PDIK1L: variants seen among roughly 807,000 people sequenced by gnomAD.
PDIK1L encodes the protein serine/threonine-protein kinase PDIK1L.
A neutral mutation model predicts 27.1 loss-of-function variants in PDIK1L; 9 were observed. The observed-to-expected ratio is 0.33, with a 90% CI of 0.20 to 0.58. The LOEUF (loss-of-function observed/expected upper bound fraction) is 0.58, where lower values mean the gene tolerates loss of function less well. Among genes scored for constraint, PDIK1L ranks in the 20% least tolerant of loss-of-function variants. The pLI is 0.86. For synonymous variants in PDIK1L, 130 were observed against 141.7 expected (o/e 0.92, Z 0.59); for missense variants, 216 against 413.2 (o/e 0.52, Z 4.14).
chr1:26,120,371 TTA>T (rs144229538), intron 2 of PDIK1L, among the ~76,000 whole-genome samples: 24,373 of 151,100 alleles, frequency 0.16, 2,095 homozygotes, highest in Middle Eastern at 0.23. Context: ...TGGTAAATAA[TTA>T]TGTGATCTGT....
chr1:26,120,531 G>C (rs997000220), intron 2 of PDIK1L, among the ~76,000 whole-genome samples: 1 of 152,220 alleles, frequency 6.6e-6, no homozygotes, highest in Non-Finnish European at 1.5e-5. Context: ...TGCTTTCCCA[G>C]ATGGTAGAGA....
rs916155787 is a variant in PDIK1L, at chr1:26,124,336, A to G, written c.*1759A>G. 2 of 152,198 alleles carry G rather than the reference A, an allele frequency of 1.3e-5. No homozygotes were observed. The highest frequency in any genetic ancestry group is 4.8e-5 in the African/African-American group (2 of 41,462). 9.4% of individuals were successfully genotyped at this position (152,198 alleles called of 1,614,324 possible). Reference sequence around the variant, plus strand: ...TAACATCACTTTTAAGCTAATAAATATAAGAATTCTTTTGGAAATTAGAGG... The same window carrying G: ...TAACATCACTTTTAAGCTAATAAATGTAAGAATTCTTTTGGAAATTAGAGG... On this transcript the variant is annotated 3_prime_UTR_variant, in exon 3 of 3. Transcript: ENST00000374269.
chr1:26,114,219 A>G lies in PDIK1L; in HGVS notation c.-17-73A>G, dbSNP rs535666711. 9 of 1,393,350 alleles carry G rather than the reference A, an allele frequency of 6.5e-6. No homozygotes were observed. In the African/African-American group the frequency reaches 1.2e-4, roughly 18 times the overall value. The allele number at this position is 1,393,350 out of a possible 1,614,324, so 86.3% of individuals were successfully genotyped here. A position where few individuals can be genotyped will look rare whatever the true frequency, so the allele number is the denominator to read the frequency against. On this transcript the variant is annotated intron_variant, in intron 1 of 2. Coordinates refer to ENST00000374269, the MANE Select transcript of PDIK1L (RefSeq NM_152835.5). The surrounding 1 kb of genome is among the most constrained non-coding windows in gnomAD (Gnocchi z 4.8). Reference sequence around the variant, plus strand: ...CAGACAGTCAGACAGATGACAAGTAAATCATACATAAGAAGAAATACAAGC... The same window carrying G: ...CAGACAGTCAGACAGATGACAAGTAGATCATACATAAGAAGAAATACAAGC...
At position 26,120,045 on chromosome 1, in the gene PDIK1L, T is replaced by C. The variant is rs537870307; in HGVS notation, c.286-1792T>C. On this transcript the variant is annotated intron_variant, in intron 2 of 2. Transcript: ENST00000374269. ...AGAGAAATCAATGGCTAACATCCTCTACATGTTAAAATAAGCAGATTGGGT... is the reference window on the plus strand; with the variant it reads ...AGAGAAATCAATGGCTAACATCCTCCACATGTTAAAATAAGCAGATTGGGT... 2.6e-5 allele frequency among the ~76,000 whole-genome samples: 4 copies of C among 152,326 alleles called. No homozygotes were observed. In the South Asian group the frequency reaches 8.3e-4, roughly 32 times the overall value.
intron 1 of PDIK1L, among the ~76,000 whole-genome samples, chr1:26,113,111 A>AT (rs2087823105): frequency 6.6e-6 from 1 of 152,260 alleles, no homozygotes; most frequent in Admixed American, 6.5e-5. Flanking sequence ...AAAAGGAAAC[A>AT]TAAAAATTTT....
Position 26,115,813 on chromosome 1 carries a change from C to A in PDIK1L, c.285+1220C>A, listed in dbSNP as rs1438951257. Among the ~76,000 whole-genome samples the A allele has an allele frequency of 2.0e-4, 29 of 146,028 alleles. No individual in the cohort carries two copies. In the East Asian group the frequency reaches 4.4e-3, roughly 22 times the overall value. ...CGAGACTCCGTCAAAAAAAAAAAAA[C>A]AAAAAGAAACTAGTCATTCTTGGAA... is the stretch of plus-strand genomic sequence containing the variant. On this transcript the variant is annotated intron_variant, in intron 2 of 2. Transcript: ENST00000374269.
At chr1:26,120,551 T>C (rs1334211108) in intron 2 of PDIK1L, among the ~76,000 whole-genome samples, 1 of 152,214 alleles carries the variant, frequency 6.6e-6, no homozygotes, top group Admixed American at 6.5e-5. Flanking sequence ...AAAGTACCAG[T>C]AGATTTAAAT....
At chr1:26,113,908 G>C (rs2087840040) in intron 1 of PDIK1L, among the ~76,000 whole-genome samples, 1 of 152,186 alleles carries the variant, frequency 6.6e-6, no homozygotes, top group Non-Finnish European at 1.5e-5. Flanking sequence ...TAGTGCTTCA[G>C]ATCGTGGTCG....
chr1:26,119,588 C>T (rs551173383), intron 2 of PDIK1L, among the ~76,000 whole-genome samples: 13 of 152,238 alleles, frequency 8.5e-5, no homozygotes, highest in African/African-American at 1.4e-4. Flanking sequence ...AGAGGCTGGG[C>T]GCAGTGGCTC....
chr1:26,121,614 C>G (rs1442390388), intron 2 of PDIK1L, among the ~76,000 whole-genome samples: 2 of 151,964 alleles, frequency 1.3e-5, no homozygotes, highest in African/African-American at 4.8e-5. Flanking sequence ...AAATTTTTAC[C>G]CCTTGGTTTA....
chr1:26,122,890 TAG>T lies in PDIK1L; in HGVS notation c.*315_*316del, dbSNP rs1269927670. ...TCTGGAAATATGTCTTTAAGTATTT[TAG>T]ACATTCCTCGTCAGTATTAGGAATT... is the stretch of plus-strand genomic sequence containing the variant. On this transcript the variant is annotated 3_prime_UTR_variant, in exon 3 of 3. Transcript: ENST00000374269. The surrounding 1 kb of genome is among the most constrained non-coding windows in gnomAD (Gnocchi z 5.4). The T allele has an allele frequency of 1.5e-5, 3 of 202,832 alleles. No individual in the cohort carries two copies. The highest frequency in any genetic ancestry group is 7.0e-5 in the African/African-American group (3 of 42,906). The allele number at this position is 202,832 out of a possible 1,614,324, so 12.6% of individuals were successfully genotyped here. A position where few individuals can be genotyped will look rare whatever the true frequency, so the allele number is the denominator to read the frequency against.
chr1:26,113,879 T>C (rs1435824817), intron 1 of PDIK1L, among the ~76,000 whole-genome samples: 1 of 152,198 alleles, frequency 6.6e-6, no homozygotes, highest in Non-Finnish European at 1.5e-5. Context: ...AAGCAGTTCA[T>C]ATAAGAGACA....
intron 2 of PDIK1L, among the ~76,000 whole-genome samples, chr1:26,118,342 CAT>C (rs759936426): frequency 1.8e-4 from 27 of 152,220 alleles, no homozygotes; most frequent in Middle Eastern, 3.4e-3. Context: ...AATAAACAAA[CAT>C]ATTATTTAGT....
At position 26,121,657 on chromosome 1, in the gene PDIK1L, G is replaced by A. The variant is rs138770072; in HGVS notation, c.286-180G>A. On this transcript the variant is annotated intron_variant, in intron 2 of 2. Coordinates refer to ENST00000374269, the MANE Select transcript of PDIK1L (RefSeq NM_152835.5). ...GGTGTATATTTATCAGGGACAAAAT[G>A]ACAAGTTGAAGCATTTTTTAAAGTT... 1.0e-3 allele frequency among the ~76,000 whole-genome samples: 153 copies of A among 152,270 alleles called. 2 individuals carry two copies. Among genetic ancestry groups the A allele is most frequent in the African/African-American group, 3.4e-3 (142 of 41,544 alleles).
At position 26,125,295 on chromosome 1, in the gene PDIK1L, CGTT is replaced by C. The variant is rs935266273; in HGVS notation, c.*2728_*2730del. The C allele has an allele frequency of 4.6e-5, 7 of 152,578 alleles. No individual in the cohort carries two copies. Among genetic ancestry groups the C allele is most frequent in the Admixed American group, 1.3e-4 (2 of 15,288 alleles). The allele number at this position is 152,578 out of a possible 1,614,324, so 9.5% of individuals were successfully genotyped here. A position where few individuals can be genotyped will look rare whatever the true frequency, so the allele number is the denominator to read the frequency against. ...TTTCTGCTGGTCTGTTTTTTCTCTTCGTTGTTGTTGTTTTTAATTGTAAATTGT... is the reference window on the plus strand; with the variant it reads ...TTTCTGCTGGTCTGTTTTTTCTCTTCGTTGTTGTTTTTAATTGTAAATTGT... On this transcript the variant is annotated 3_prime_UTR_variant, in exon 3 of 3. Transcript: ENST00000374269.
chr1:26,113,878 A>G (rs1377809452), intron 1 of PDIK1L, among the ~76,000 whole-genome samples: 6 of 152,342 alleles, frequency 3.9e-5, no homozygotes, highest in Admixed American at 6.5e-5. Flanking sequence ...CAAGCAGTTC[A>G]TATAAGAGAC....
At chr1:26,118,308 G>A (rs2087916186) in intron 2 of PDIK1L, among the ~76,000 whole-genome samples, 1 of 152,044 alleles carries the variant, frequency 6.6e-6, no homozygotes, top group East Asian at 1.9e-4. Flanking sequence ...ATCACAGAGT[G>A]GGACCCTGTC....
rs963294011 is a variant in PDIK1L at position 26,114,817 on chromosome 1, A to G, written c.285+224A>G. Among the ~76,000 whole-genome samples the G allele has an allele frequency of 5.3e-5, 8 of 152,216 alleles. No individual in the cohort carries two copies. Among genetic ancestry groups the G allele is most frequent in the East Asian group, 3.8e-4 (2 of 5,202 alleles). Reference sequence around the variant, plus strand: ...AATAACATAAGCCACCTGTTATGCAATGGTACTTGCCAGTCTGCATAGGAA... The same window carrying G: ...AATAACATAAGCCACCTGTTATGCAGTGGTACTTGCCAGTCTGCATAGGAA... On this transcript the variant is annotated intron_variant, in intron 2 of 2. Transcript: ENST00000374269. The surrounding 1 kb of genome is among the most constrained non-coding windows in gnomAD (Gnocchi z 4.8).
chr1:26,117,013 AC>A (rs2087888274), intron 2 of PDIK1L, among the ~76,000 whole-genome samples: 1 of 100,412 alleles, frequency 1.0e-5, no homozygotes, highest in Admixed American at 1.1e-4. Context: ...ACTGCGCCCA[AC>A]CTTTTTTTTT....
Sources: allele counts gnomAD v4.1 joint callset (sites outside exome capture counted in the v4.1 genomes callset), GRCh38; gene constraint gnomAD v4.1.1; non-coding constraint Gnocchi (gnomAD v3.1); transcripts MANE v1.5; gene names NCBI Gene and HGNC (gene_info 2026-07-23, HGNC 2026-07-21).